VWC2: variants seen among roughly 807,000 people sequenced by gnomAD.
The protein encoded by VWC2 is von Willebrand factor C domain containing 2.
Under a neutral mutation model 29.8 loss-of-function variants are expected in VWC2, and 14 were observed. That is an observed-to-expected ratio of 0.47 (90% CI 0.31 to 0.74). The LOEUF is 0.74. VWC2 is among the 30% of genes least tolerant of loss of function. VWC2 has a pLI of 0.05. For missense variants in VWC2, 457 were observed against 459.8 expected (o/e 0.99, Z 0.05); for synonymous variants, 213 against 199.0 (o/e 1.07, Z -0.59).
At chr7:49,806,736 T>TTGTGTG (rs377260533) in intron 3 of VWC2, among the ~76,000 whole-genome samples, 4 of 150,120 alleles carry the variant, frequency 2.7e-5, no homozygotes, top group Admixed American at 1.3e-4. Flanking sequence ...GTGTGTGTGT[T>TTGTGTG]TGTGTGTGTG....
chr7:49,901,263 G>A (rs1792707764), intron 3 of VWC2: 1 of 151,768 alleles, frequency 6.6e-6, no homozygotes, highest in South Asian at 2.1e-4. Context: ...GATAGGGAAA[G>A]AAGAAATAAA....
chr7:49,812,744 T>C (rs1789042528), intron 3 of VWC2, among the ~76,000 whole-genome samples: 1 of 152,154 alleles, frequency 6.6e-6, no homozygotes, highest in Non-Finnish European at 1.5e-5. Context: ...TATTTGGGTG[T>C]GGTGTGATGA....
At chr7:49,903,984 C>T (rs936859411) in intron 3 of VWC2, among the ~76,000 whole-genome samples, 4 of 152,130 alleles carry the variant, frequency 2.6e-5, no homozygotes, top group Non-Finnish European at 5.9e-5. Flanking sequence ...ATTTACATAG[C>T]ATGGGGGAAG....
intron 3 of VWC2, among the ~76,000 whole-genome samples, chr7:49,832,314 T>TAGAAA (rs1163310250): frequency 1.3e-4 from 20 of 152,250 alleles, no homozygotes; most frequent in African/African-American, 4.6e-4. Flanking sequence ...TATTTGCTAT[T>TAGAAA]CTAGAATTGA....
At chr7:49,859,215 T>A (rs1472526852) in intron 3 of VWC2, among the ~76,000 whole-genome samples, 1 of 152,258 alleles carries the variant, frequency 6.6e-6, no homozygotes, top group Admixed American at 6.5e-5. Context: ...AAGGGTTTTA[T>A]ATATTGCAGA....
At chr7:49,877,183 C>A (rs770130674) in intron 3 of VWC2, among the ~76,000 whole-genome samples, 8 of 151,700 alleles carry the variant, frequency 5.3e-5, no homozygotes, top group African/African-American at 1.7e-4. Flanking sequence ...TATTTGGGGC[C>A]GGGCGTAATG....
At chr7:49,786,421 T>C (rs1395522859) in intron 2 of VWC2, among the ~76,000 whole-genome samples, 1 of 152,234 alleles carries the variant, frequency 6.6e-6, no homozygotes, top group Non-Finnish European at 1.5e-5. Context: ...TCTTTGCTAT[T>C]GTGAGTAGTG....
At chr7:49,904,462 G>A (rs1792967656) in intron 3 of VWC2, among the ~76,000 whole-genome samples, 1 of 152,174 alleles carries the variant, frequency 6.6e-6, no homozygotes, top group Admixed American at 6.5e-5. Context: ...AAATGCACAT[G>A]CATGTAGATA....
intron 3 of VWC2, among the ~76,000 whole-genome samples, chr7:49,830,317 C>G (rs1789496002): frequency 6.6e-6 from 1 of 152,146 alleles, no homozygotes; most frequent in Non-Finnish European, 1.5e-5. Context: ...AGAATTTGCT[C>G]TTCACTGGGG....
At chr7:49,785,512 T>G (rs900647) in intron 2 of VWC2, among the ~76,000 whole-genome samples, 31,006 of 152,138 alleles carry the variant, frequency 0.2, 4,290 homozygotes, top group East Asian at 0.64. Context: ...TTGAAAGACA[T>G]CTATTTTCTC....
chr7:49,865,208 G>C (rs1429087776), intron 3 of VWC2, among the ~76,000 whole-genome samples: 1 of 152,170 alleles, frequency 6.6e-6, no homozygotes, highest in Non-Finnish European at 1.5e-5. Context: ...TTGTTTGTGT[G>C]GTCCGTGGGG....
intron 3 of VWC2, among the ~76,000 whole-genome samples, chr7:49,874,546 ATATGTG>A (rs764605843): frequency 1.3e-5 from 1 of 79,970 alleles, no homozygotes; most frequent in Non-Finnish European, 2.7e-5. Flanking sequence ...GCATGACTAT[ATATGTG>A]TGTGTGTGTG....
intron 3 of VWC2, among the ~76,000 whole-genome samples, chr7:49,897,025 A>G (rs1382190260): frequency 6.6e-6 from 1 of 151,554 alleles, no homozygotes; most frequent in Non-Finnish European, 1.5e-5. Flanking sequence ...CCTCCCGAGT[A>G]GCTGGGACTA....
chr7:49,776,964 T>G (rs1788068167), intron 2 of VWC2, among the ~76,000 whole-genome samples: 1 of 152,252 alleles, frequency 6.6e-6, no homozygotes, highest in Admixed American at 6.5e-5. Context: ...AGCTTAGGTT[T>G]TTAACCCTTA....
chr7:49,889,298 G>A (rs1478019261), intron 3 of VWC2, among the ~76,000 whole-genome samples: 2 of 152,228 alleles, frequency 1.3e-5, no homozygotes, highest in Non-Finnish European at 2.9e-5. Context: ...CTTCTATTGT[G>A]AAGGTTAAAC....
intron 3 of VWC2, among the ~76,000 whole-genome samples, chr7:49,836,776 A>G (rs1789676109): frequency 6.6e-6 from 1 of 152,202 alleles, no homozygotes; most frequent in African/African-American, 2.4e-5. Flanking sequence ...CAAATAATAT[A>G]GATACATTAC....
chr7:49,815,202 C>G (rs1271672489), intron 3 of VWC2, among the ~76,000 whole-genome samples: 1 of 152,102 alleles, frequency 6.6e-6, no homozygotes, highest in Admixed American at 6.5e-5. Context: ...ATCTCACAGT[C>G]TAGAGGTGAG....
At chr7:49,861,278 T>A (rs535325971) in intron 3 of VWC2, among the ~76,000 whole-genome samples, 1 of 152,364 alleles carries the variant, frequency 6.6e-6, no homozygotes, top group South Asian at 2.1e-4. Context: ...TGGGCATTTT[T>A]TCATGTGCTT....
chr7:49,866,260 A>G (rs1790886943), intron 3 of VWC2, among the ~76,000 whole-genome samples: 1 of 152,122 alleles, frequency 6.6e-6, no homozygotes, highest in South Asian at 2.1e-4. Flanking sequence ...TTTTTTCAAG[A>G]TCCTCTAGCT....
Sources: allele counts gnomAD v4.1 joint callset (sites outside exome capture counted in the v4.1 genomes callset), GRCh38; gene constraint gnomAD v4.1.1; transcripts MANE v1.5; gene names NCBI Gene and HGNC (gene_info 2026-07-23, HGNC 2026-07-21).